Variants in PDE11A observed in about 807,000 individuals in gnomAD.
The protein encoded by PDE11A is dual 3',5'-cyclic-AMP and -GMP phosphodiesterase 11A.
PDE11A carries 100 observed loss-of-function variants against 100.5 expected under a neutral mutation model. The ratio of observed to expected loss-of-function variants is 1.00; its 90% confidence interval spans 0.85 to 1.18. The LOEUF (loss-of-function observed/expected upper bound fraction) is 1.18. Among genes scored for constraint, PDE11A ranks in the 50% most tolerant of loss-of-function variants. The probability of loss-of-function intolerance (pLI) is 0.00; values close to 1 mark genes in which losing one functional copy is unlikely to be tolerated. For synonymous variants in PDE11A, 381 were observed against 420.8 expected, an observed-to-expected ratio of 0.91 and a Z score of 1.16; for missense variants, 1,141 against 1,152.6, an observed-to-expected ratio of 0.99 and a Z score of 0.15.
chr2:177,722,860 AC>A (rs1396010947), intron 12 of PDE11A, among the ~76,000 whole-genome samples: 7 of 152,126 alleles, frequency 4.6e-5, no homozygotes, highest in African/African-American at 1.7e-4. Context: ...ACAAGTTACT[AC>A]TTTTTTGATA....
intron 19 of PDE11A, among the ~76,000 whole-genome samples, chr2:177,656,674 G>A (rs73977696): frequency 0.067 from 10,159 of 152,280 alleles, 934 homozygotes; most frequent in African/African-American, 0.21. Context: ...CAGGAAACCC[G>A]TCTAATGGGG....
chr2:177,956,811 C>CA lies in PDE11A; in HGVS notation c.1072-51625dup, dbSNP rs200108767. ...CATTCTCAGCAAACTATCGCAAGGA[C>CA]AAAAAACCAAACACCGCATGTTCTC... is the stretch of plus-strand genomic sequence containing the variant. On this transcript the variant is annotated intron_variant, in intron 2 of 19. Transcript: ENST00000286063. 2.6e-5 allele frequency among the ~76,000 whole-genome samples: 4 copies of CA among 151,304 alleles called. No homozygotes were observed. The East Asian group carries it at 5.9e-4, about 22-fold the overall frequency.
chr2:177,835,421 C>A (rs1041436369), intron 6 of PDE11A, among the ~76,000 whole-genome samples: 5 of 152,220 alleles, frequency 3.3e-5, no homozygotes, highest in African/African-American at 1.2e-4. Context: ...ACAGGATACT[C>A]CCCTCGGATG....
chr2:178,000,150 T>C (rs950870540), intron 2 of PDE11A, among the ~76,000 whole-genome samples: 1 of 152,148 alleles, frequency 6.6e-6, no homozygotes, highest in Middle Eastern at 3.2e-3. Flanking sequence ...CCACGGCACA[T>C]GTGGGAGAAA....
At chr2:177,927,603 C>A (rs1190573617) in intron 2 of PDE11A, among the ~76,000 whole-genome samples, 1 of 152,118 alleles carries the variant, frequency 6.6e-6, no homozygotes, top group Non-Finnish European at 1.5e-5. Context: ...TTTCCATAAA[C>A]CTTTGCTGAC....
chr2:178,025,220 G>C (rs1177057873), intron 1 of PDE11A, among the ~76,000 whole-genome samples: 1 of 152,140 alleles, frequency 6.6e-6, no homozygotes, highest in Non-Finnish European at 1.5e-5. Context: ...CTCTTTTATG[G>C]ACCTGAAGTG....
At chr2:177,910,750 A>G (rs1349922137) in intron 2 of PDE11A, among the ~76,000 whole-genome samples, 3 of 152,218 alleles carry the variant, frequency 2.0e-5, no homozygotes, top group African/African-American at 7.2e-5. Flanking sequence ...TCATTAAACT[A>G]TCACTAATAT....
rs1008466494 is a variant in PDE11A, at chr2:177,724,995, G to C, written c.2043+2663C>G. Among the ~76,000 whole-genome samples the C allele has an allele frequency of 3.3e-5, 5 of 151,940 alleles. No individual in the cohort carries two copies. The Middle Eastern group carries it at 0.01, about 310-fold the overall frequency. On this transcript the variant is annotated intron_variant, in intron 12 of 19. Transcript: ENST00000286063. Reference sequence around the variant, plus strand: ...TCCCCCCAGATTAATAGAGAATTTTGGTTCTAACACAACCCACAGACAGGA... The same window carrying C: ...TCCCCCCAGATTAATAGAGAATTTTCGTTCTAACACAACCCACAGACAGGA...
intron 5 of PDE11A, among the ~76,000 whole-genome samples, chr2:177,851,016 C>G (rs1002435597): frequency 4.6e-5 from 7 of 152,270 alleles, no homozygotes; most frequent in African/African-American, 1.7e-4. Flanking sequence ...TACCATTTGA[C>G]CCAGCCATCC....
chr2:178,103,290 T>C (rs1408579215), intron 2 of PDE11A, among the ~76,000 whole-genome samples: 1 of 152,196 alleles, frequency 6.6e-6, no homozygotes, highest in African/African-American at 2.4e-5. Context: ...TATTATATGA[T>C]TCCTTTTATA....
intron 6 of PDE11A, among the ~76,000 whole-genome samples, chr2:177,838,827 A>C (rs911770326): frequency 1.3e-5 from 2 of 152,208 alleles, no homozygotes; most frequent in Non-Finnish European, 2.9e-5. Context: ...ACCTTACCAG[A>C]GGAGAACTGA....
chr2:178,011,314 G>A (rs2086271685), intron 2 of PDE11A, among the ~76,000 whole-genome samples: 1 of 152,158 alleles, frequency 6.6e-6, no homozygotes, highest in Non-Finnish European at 1.5e-5. Context: ...GTGCTAAGCT[G>A]ATTGCTACAG....
At chr2:177,758,296 C>CAAAAAA (rs78765770) in intron 10 of PDE11A, among the ~76,000 whole-genome samples, 4 of 65,010 alleles carry the variant, frequency 6.2e-5, no homozygotes, top group Non-Finnish European at 1.3e-4. Context: ...GACTCCGTCT[C>CAAAAAA]AAAAAAAAAA....
chr2:177,799,505 G>T (rs1430659173), intron 9 of PDE11A, among the ~76,000 whole-genome samples: 1 of 152,152 alleles, frequency 6.6e-6, no homozygotes, highest in African/African-American at 2.4e-5. Context: ...GATTCTCCAT[G>T]TAAGTTCTCC....
chr2:177,877,488 A>T (rs78656151), intron 4 of PDE11A, among the ~76,000 whole-genome samples: 16 of 152,286 alleles, frequency 1.1e-4, no homozygotes, highest in Non-Finnish European at 1.8e-4. Flanking sequence ...TTATGCAGAT[A>T]AAGTCTCCCG....
chr2:177,910,047 A>G (rs2084854232), intron 2 of PDE11A, among the ~76,000 whole-genome samples: 1 of 152,182 alleles, frequency 6.6e-6, no homozygotes, highest in Non-Finnish European at 1.5e-5. Context: ...CAAAGGCTTA[A>G]TTGAATCATG....
At chr2:177,630,475 A>T (rs900680707) in intron 19 of PDE11A, among the ~76,000 whole-genome samples, 1 of 152,098 alleles carries the variant, frequency 6.6e-6, no homozygotes. Context: ...TCTCCAAGAT[A>T]GGGGGTAACA....
At chr2:177,951,465 A>T (rs2085504895) in intron 2 of PDE11A, among the ~76,000 whole-genome samples, 1 of 152,252 alleles carries the variant, frequency 6.6e-6, no homozygotes, top group South Asian at 2.1e-4. Context: ...GTTATTGTCA[A>T]GACAGTGAAG....
intron 10 of PDE11A, among the ~76,000 whole-genome samples, chr2:177,742,966 T>C (rs1220436044): frequency 1.3e-5 from 2 of 152,182 alleles, no homozygotes; most frequent in African/African-American, 4.8e-5. Context: ...ACAAGCGAAA[T>C]GATCAAGCAG....
Sources: gnomAD v4.1 joint callset for allele counts (sites outside exome capture counted in the v4.1 genomes callset) on GRCh38, gnomAD v4.1.1 for gene constraint, MANE v1.5 for transcripts, NCBI Gene and HGNC (gene_info 2026-07-23, HGNC 2026-07-21) for gene names.